Variants in COX10 observed in about 807,000 individuals in gnomAD.
The protein encoded by COX10 is cytochrome c oxidase assembly factor heme A:farnesyltransferase COX10.
Under a neutral mutation model 37.3 loss-of-function variants are expected in COX10, and 27 were observed. The observed-to-expected ratio is 0.72, with a 90% CI of 0.53 to 1.00. COX10 has a LOEUF of 1.00. Among genes scored for constraint, COX10 ranks in the 50% least tolerant of loss-of-function variants. The pLI, the probability that COX10 is intolerant of heterozygous loss-of-function variation, is 0.00. For synonymous variants in COX10, 222 were observed against 229.1 expected (o/e 0.97, Z 0.28); for missense variants, 475 against 563.2 (o/e 0.84, Z 1.59).
chr17:14,187,902 C>T (rs2259971), intron 5 of COX10, among the ~76,000 whole-genome samples: 1 of 152,068 alleles, frequency 6.6e-6, no homozygotes. Flanking sequence ...CTTGTGCACA[C>T]TGATTTAAAC....
intron 3 of COX10, among the ~76,000 whole-genome samples, chr17:14,085,375 T>C (rs1915387432): frequency 6.6e-6 from 1 of 152,216 alleles, no homozygotes; most frequent in Non-Finnish European, 1.5e-5. Flanking sequence ...TCCTCATCAA[T>C]ACAATTAAAT....
chr17:14,200,206 T>C (rs555817627), intron 6 of COX10, among the ~76,000 whole-genome samples: 1 of 152,254 alleles, frequency 6.6e-6, no homozygotes, highest in South Asian at 2.1e-4. Context: ...GCTTGAGGAT[T>C]TTTGTCTCCA....
chr17:14,152,896 T>G (rs1904945056), intron 4 of COX10, among the ~76,000 whole-genome samples: 1 of 152,184 alleles, frequency 6.6e-6, no homozygotes, highest in South Asian at 2.1e-4. Flanking sequence ...CTACAGAAGC[T>G]GCAGGCCCAG....
At chr17:14,152,045 A>G (rs1904916497) in intron 4 of COX10, among the ~76,000 whole-genome samples, 1 of 152,234 alleles carries the variant, frequency 6.6e-6, no homozygotes, top group South Asian at 2.1e-4. Flanking sequence ...TTAGATTGTT[A>G]GATAACATGA....
chr17:14,108,021 A>G (rs183550348), intron 4 of COX10, among the ~76,000 whole-genome samples: 1 of 152,314 alleles, frequency 6.6e-6, no homozygotes, highest in African/African-American at 2.4e-5. Context: ...GACTATGGTT[A>G]GTAGCCACTT....
chr17:14,153,912 C>T (rs776080454), intron 4 of COX10, among the ~76,000 whole-genome samples: 11 of 152,170 alleles, frequency 7.2e-5, no homozygotes, highest in African/African-American at 1.9e-4. Flanking sequence ...GCACAAACTG[C>T]GATACTACCA....
intron 4 of COX10, among the ~76,000 whole-genome samples, chr17:14,118,165 AG>A (rs1398784062): frequency 2.6e-5 from 4 of 151,022 alleles, no homozygotes; most frequent in African/African-American, 9.7e-5. Flanking sequence ...GGCACAGGAT[AG>A]GTGGGCATCG....
At chr17:14,183,010 T>C (rs1313615689) in intron 5 of COX10, among the ~76,000 whole-genome samples, 1 of 151,892 alleles carries the variant, frequency 6.6e-6, no homozygotes, top group Non-Finnish European at 1.5e-5. Context: ...TAGGGGCTGA[T>C]GTTTAGTAAA....
At chr17:14,185,151 T>A (rs989548614) in intron 5 of COX10, among the ~76,000 whole-genome samples, 1 of 152,056 alleles carries the variant, frequency 6.6e-6, no homozygotes, top group African/African-American at 2.4e-5. Context: ...ATAAAAAAAA[T>A]ATTTCACAAA....
intron 4 of COX10, among the ~76,000 whole-genome samples, chr17:14,158,417 T>C (rs1182297873): frequency 6.6e-6 from 1 of 151,250 alleles, no homozygotes; most frequent in African/African-American, 2.4e-5. Context: ...ATATACTTCT[T>C]AGTAAATCAT....
intron 6 of COX10, among the ~76,000 whole-genome samples, chr17:14,202,219 A>G (rs1597549795): frequency 2.5e-5 from 3 of 121,138 alleles, no homozygotes. Context: ...GTGTGTGGCA[A>G]CAACTTTTTT....
At chr17:14,176,612 A>G (rs1299034815) in intron 5 of COX10, among the ~76,000 whole-genome samples, 3 of 152,150 alleles carry the variant, frequency 2.0e-5, no homozygotes, top group Non-Finnish European at 4.4e-5. Flanking sequence ...CCAGAATTGT[A>G]CATACATAAC....
intron 3 of COX10, among the ~76,000 whole-genome samples, chr17:14,085,565 T>G (rs9915302): frequency 0.15 from 23,235 of 152,176 alleles, 1,953 homozygotes; most frequent in Non-Finnish European, 0.19. Context: ...GTTAGCTGTA[T>G]AGAAGTATAC....
chr17:14,126,300 A>G (rs750172980), intron 4 of COX10, among the ~76,000 whole-genome samples: 136 of 152,282 alleles, frequency 8.9e-4, no homozygotes, highest in Non-Finnish European at 1.6e-3. Flanking sequence ...CCTTTAGCCA[A>G]TCCATTGAAT....
rs762976026 is a variant in COX10, at chr17:14,207,126, C to T, written c.1245C>T (p.Ser415=). 2 of 1,612,044 alleles carry T rather than the reference C, an allele frequency of 1.2e-6. No homozygotes were observed. Among genetic ancestry groups the T allele is most frequent in the African/African-American group, 2.7e-5 (2 of 74,938 alleles). The change falls in exon 7 of 7, where the codon AGC becomes AGT. Residue 415 remains serine, a synonymous_variant. Coordinates refer to ENST00000261643, the MANE Select transcript of COX10 (RefSeq NM_001303.4). ...GCTCGCGGAGACTGTTCTTCTGCAG[C>T]CTGTGGCACCTGCCGCTGCTGCTGC... The part of the protein sequence containing the change: ...RRSSRRLFFC[S]LWHLPLLLLL...
chr17:14,160,175 T>TG (rs1905144186), intron 5 of COX10, among the ~76,000 whole-genome samples: 1 of 152,186 alleles, frequency 6.6e-6, no homozygotes, highest in Admixed American at 6.5e-5. Context: ...TAGTAACTTA[T>TG]GTGATATATA....
At chr17:14,183,591 C>G (rs1190875609) in intron 5 of COX10, among the ~76,000 whole-genome samples, 1 of 152,248 alleles carries the variant, frequency 6.6e-6, no homozygotes, top group Non-Finnish European at 1.5e-5. Flanking sequence ...TCTAGCTTTT[C>G]AATATACCAC....
Position 14,186,081 on chromosome 17 carries a change from C to T in COX10, c.696-5908C>T, listed in dbSNP as rs554365940. ...TAAAAATTATGTGGTGGTGTGCCCACGATTCTTCTTCCTTTGAAATGCCTA... is the reference window on the plus strand; with the variant it reads ...TAAAAATTATGTGGTGGTGTGCCCATGATTCTTCTTCCTTTGAAATGCCTA... On this transcript the variant is annotated intron_variant, in intron 5 of 6. Transcript: ENST00000261643. Among the ~76,000 whole-genome samples the T allele has an allele frequency of 3.7e-4, 57 of 152,286 alleles. No homozygotes were observed. The East Asian group carries it at 9.3e-3, about 25-fold the overall frequency.
chr17:14,100,244 A>G (rs1915746331), intron 3 of COX10, among the ~76,000 whole-genome samples: 1 of 152,152 alleles, frequency 6.6e-6, no homozygotes, highest in African/African-American at 2.4e-5. Context: ...TCAGCTTGCT[A>G]TTCTGCAGTC....
Sources: allele counts gnomAD v4.1 joint callset (sites outside exome capture counted in the v4.1 genomes callset), GRCh38; gene constraint gnomAD v4.1.1; transcripts MANE v1.5; gene names NCBI Gene and HGNC (gene_info 2026-07-23, HGNC 2026-07-21).